AK9: variants seen among roughly 807,000 people sequenced by gnomAD.
AK9 encodes adenylate kinase 9.
AK9 carries 191 observed loss-of-function variants against 239.6 expected under a neutral mutation model. The ratio of observed to expected loss-of-function variants is 0.80; its 90% confidence interval spans 0.71 to 0.90. AK9 has a LOEUF of 0.90. Among genes scored for constraint, AK9 ranks in the 40% least tolerant of loss-of-function variants. The pLI is 0.00. For missense variants in AK9, 1,995 were observed against 2,214.7 expected (o/e 0.90, Z 1.99); for synonymous variants, 689 against 721.0 (o/e 0.96, Z 0.71).
chr6:109,495,334 G>T lies in AK9; in HGVS notation c.5418+4C>A, dbSNP rs1467365175. The T allele has an allele frequency of 1.9e-6, 3 of 1,599,862 alleles. No homozygotes were observed. The South Asian group carries it at 3.3e-5, about 18-fold the overall frequency. Reference sequence around the variant, plus strand: ...ATATATAACAGAAAATTAAGTAAAAGAACCTGTTCCAGATATCCAGGCAAA... The same window carrying T: ...ATATATAACAGAAAATTAAGTAAAATAACCTGTTCCAGATATCCAGGCAAA... On this transcript the variant is annotated splice_donor_region_variant and intron_variant, in intron 39 of 40. Coordinates refer to ENST00000424296, the MANE Select transcript of AK9 (RefSeq NM_001145128.3).
chr6:109,497,843 C>G lies in AK9; in HGVS notation c.5169G>C (p.Ala1723=). 1.9e-6 allele frequency: 3 copies of G among 1,613,920 alleles called. No individual in the cohort carries two copies. In the South Asian group the frequency reaches 3.3e-5, roughly 18 times the overall value. Residue 1723 remains alanine (A), a synonymous_variant, in exon 37 of 41, where the codon GCG becomes GCC. Transcript: ENST00000424296. ...SELKSRFPKC[A]ELQGYCPVTY... The stretch of plus-strand genomic sequence containing the variant: ...TCACTGGACAGTAGCCCTGGAGCTC[C>G]GCACACTTAGGGAATCGACTCTTCA...
intron 26 of AK9, among the ~76,000 whole-genome samples, chr6:109,544,270 G>T (rs1312830251): frequency 6.6e-6 from 1 of 152,134 alleles, no homozygotes; most frequent in Non-Finnish European, 1.5e-5. Context: ...ATCAGAAATG[G>T]TTAAAATGTG....
chr6:109,523,136 T>G (rs565753860), intron 29 of AK9, among the ~76,000 whole-genome samples: 2 of 152,308 alleles, frequency 1.3e-5, no homozygotes, highest in South Asian at 4.1e-4. Context: ...CTTTTTAATA[T>G]GTATGCTATT....
intron 17 of AK9, among the ~76,000 whole-genome samples, chr6:109,606,768 G>A (rs909626675): frequency 5.3e-5 from 8 of 152,184 alleles, no homozygotes; most frequent in Non-Finnish European, 8.8e-5. Context: ...TGGGTGCTCC[G>A]TAGCCGGTCA....
At position 109,509,200 on chromosome 6, in the gene AK9, T is replaced by C. The variant is rs1405762142; in HGVS notation, c.4460A>G (p.Glu1487Gly). 1.9e-6 allele frequency: 3 copies of C among 1,552,174 alleles called. No individual in the cohort carries two copies. The highest frequency in any genetic ancestry group is 2.0e-5 in the Admixed American group (1 of 50,992). ...TTACCCTGCAGTATTGCACACACTT[T>C]CCATCAGAGAAAGTTCTAAGGCTTG... ...AIQALELSLM[E>G]SVCNTAGVVI... The change falls in exon 33 of 41, where the codon GAA (glutamate) becomes GGA (glycine). Residue 1487 changes from glutamate (E) to glycine (G), a missense_variant. Around this residue, in one of 5 missense-constraint regions of AK9, gnomAD observed 45 missense variants for 80.5 expected, o/e 0.56. Transcript: ENST00000424296.
chr6:109,614,293 T>C lies in AK9; in HGVS notation c.1499A>G (p.Tyr500Cys). The change falls in exon 15 of 41, where the codon TAC becomes TGC. Residue 500 changes from tyrosine (Y) to cysteine (C), a missense_variant. Around this residue, in one of 5 missense-constraint regions of AK9, gnomAD observed 1,290 missense variants for 1,392.7 expected, o/e 0.93. Coordinates refer to ENST00000424296, the MANE Select transcript of AK9 (RefSeq NM_001145128.3). Reference sequence around the variant, plus strand: ...TCTGTCCCTTTGGGAGCCTTGAATGTACCCTGCAATGAAAGAATAATATAC... The same window carrying C: ...TCTGTCCCTTTGGGAGCCTTGAATGCACCCTGCAATGAAAGAATAATATAC... ...ATHSSIDEEGYIQGSQRDRGS... is the reference protein window; with the variant it reads ...ATHSSIDEEGCIQGSQRDRGS... 6.4e-7 allele frequency: 1 copy of C among 1,551,374 alleles called. No individual in the cohort carries two copies. The highest frequency in any genetic ancestry group is 8.7e-7 in the Non-Finnish European group (1 of 1,146,660).
At chr6:109,663,574 T>C (rs1800745062) in intron 5 of AK9, among the ~76,000 whole-genome samples, 1 of 152,222 alleles carries the variant, frequency 6.6e-6, no homozygotes, top group Admixed American at 6.5e-5. Flanking sequence ...TGGGCTTTTC[T>C]TGATGAGAGT....
chr6:109,535,227 G>T (rs1273051382), intron 27 of AK9, among the ~76,000 whole-genome samples: 9 of 152,204 alleles, frequency 5.9e-5, no homozygotes, highest in Non-Finnish European at 1.3e-4. Flanking sequence ...CACCAACAGT[G>T]TAAAAGCATT....
chr6:109,680,385 A>C (rs149385650), intron 1 of AK9, among the ~76,000 whole-genome samples: 2,729 of 152,312 alleles, frequency 0.018, 51 homozygotes, highest in Middle Eastern at 0.037. Context: ...TGAAATAAAG[A>C]TAGAAGACAA....
intron 17 of AK9, among the ~76,000 whole-genome samples, chr6:109,594,305 A>G (rs1377168988): frequency 6.6e-6 from 1 of 152,230 alleles, no homozygotes; most frequent in African/African-American, 2.4e-5. Context: ...AATACAACTT[A>G]CAAGGGATGT....
At chr6:109,510,201 C>A (rs545182776) in intron 32 of AK9, among the ~76,000 whole-genome samples, 1 of 152,168 alleles carries the variant, frequency 6.6e-6, no homozygotes, top group East Asian at 1.9e-4. Context: ...ATGGACCAAT[C>A]AGCAGGCACT....
intron 35 of AK9, among the ~76,000 whole-genome samples, chr6:109,499,661 G>A (rs1046237686): frequency 1.3e-5 from 2 of 151,834 alleles, no homozygotes; most frequent in East Asian, 1.9e-4. Context: ...GTGCAGTGGC[G>A]TAGCTCGATC....
intron 24 of AK9, among the ~76,000 whole-genome samples, chr6:109,559,330 G>A (rs1785441612): frequency 6.6e-6 from 1 of 152,004 alleles, no homozygotes; most frequent in African/African-American, 2.4e-5. Context: ...ACCTCGCCTG[G>A]CTAATTTTTT....
intron 17 of AK9, among the ~76,000 whole-genome samples, chr6:109,587,301 ATTGTTG>A (rs1789628466): frequency 6.6e-6 from 1 of 152,216 alleles, no homozygotes; most frequent in Admixed American, 6.5e-5. Flanking sequence ...CAATGTTTCA[ATTGTTG>A]TTTGAAACAA....
chr6:109,589,597 T>C (rs1115977), intron 17 of AK9, among the ~76,000 whole-genome samples: 88,461 of 151,976 alleles, frequency 0.58, 27,443 homozygotes, highest in East Asian at 0.84. Context: ...CTAGGATTTC[T>C]AGGACTATGT....
At chr6:109,663,752 T>C (rs1336060332) in intron 5 of AK9, among the ~76,000 whole-genome samples, 3 of 152,208 alleles carry the variant, frequency 2.0e-5, no homozygotes, top group South Asian at 2.1e-4. Flanking sequence ...GACAGACCAA[T>C]GGATTTTAAT....
chr6:109,644,410 G>T (rs764386231), intron 9 of AK9: 32 of 437,918 alleles, frequency 7.3e-5, no homozygotes, highest in Non-Finnish European at 1.1e-4. Context: ...TTTTGAAAGA[G>T]ATTTTAAATT....
chr6:109,534,877 T>C (rs1346803781), intron 27 of AK9, among the ~76,000 whole-genome samples: 2 of 152,134 alleles, frequency 1.3e-5, no homozygotes, highest in Non-Finnish European at 2.9e-5. Flanking sequence ...GTCCTCACGA[T>C]AGTTTGCTGA....
intron 13 of AK9, among the ~76,000 whole-genome samples, chr6:109,617,042 C>T (rs550394354): frequency 1.2e-4 from 19 of 152,012 alleles, no homozygotes; most frequent in African/African-American, 4.3e-4. Context: ...TAAAAAGATC[C>T]CATTCACTAG....
Sources: allele counts gnomAD v4.1 joint callset (sites outside exome capture counted in the v4.1 genomes callset), GRCh38; gene constraint gnomAD v4.1.1; regional missense constraint gnomAD v4.1.1; transcripts MANE v1.5; gene names NCBI Gene and HGNC (gene_info 2026-07-23, HGNC 2026-07-21).